ZHX2: variants seen among roughly 807,000 people sequenced by gnomAD.
The protein encoded by ZHX2 is zinc fingers and homeoboxes 2.
Under a neutral mutation model 21.9 loss-of-function variants are expected in ZHX2, and 6 were observed. That is an observed-to-expected ratio of 0.27 (90% CI 0.15 to 0.54). ZHX2 has a LOEUF of 0.54. Ranked by LOEUF, ZHX2 falls within the 20% of genes least tolerant of loss-of-function variation. ZHX2 has a pLI of 0.95. For synonymous variants in ZHX2, 434 were observed against 437.1 expected (o/e 0.99, Z 0.09); for missense variants, 908 against 1,090.7 (o/e 0.83, Z 2.36).
chr8:122,881,997 A>G (rs951940218), intron 2 of ZHX2, among the ~76,000 whole-genome samples: 1 of 152,152 alleles, frequency 6.6e-6, no homozygotes, highest in Non-Finnish European at 1.5e-5. Flanking sequence ...TTAATTAAGC[A>G]CTAGGTTTAA....
At position 122,964,054 on chromosome 8, in the gene ZHX2, T is replaced by C. The variant is rs182575674; in HGVS notation, c.*5-9188T>C. 7.2e-5 allele frequency among the ~76,000 whole-genome samples: 11 copies of C among 152,176 alleles called. No individual in the cohort carries two copies. The East Asian group carries it at 2.1e-3, about 29-fold the overall frequency. On this transcript the variant is annotated intron_variant, in intron 3 of 3. Coordinates refer to ENST00000314393, the MANE Select transcript of ZHX2 (RefSeq NM_014943.5). The stretch of plus-strand genomic sequence containing the variant: ...CAGATCTAGGAGCTTTTTGGATGAG[T>C]CTTTAGGGTTTTCTAGGTATATAAT...
chr8:122,866,595 C>A (rs1394357714), intron 2 of ZHX2, among the ~76,000 whole-genome samples: 2 of 152,182 alleles, frequency 1.3e-5, no homozygotes, highest in Non-Finnish European at 2.9e-5. Context: ...CATCAACCCC[C>A]CTGACATCTG....
chr8:122,827,739 A>G (rs968581328), intron 1 of ZHX2, among the ~76,000 whole-genome samples: 5 of 152,266 alleles, frequency 3.3e-5, no homozygotes, highest in African/African-American at 1.2e-4. Context: ...TAAAGTATTT[A>G]GGTTGGTGCA....
intron 3 of ZHX2, among the ~76,000 whole-genome samples, chr8:122,971,091 A>T (rs1215716505): frequency 6.6e-6 from 1 of 152,200 alleles, no homozygotes; most frequent in Non-Finnish European, 1.5e-5. Context: ...TTTCTTCGCT[A>T]TGAAGTGGGT....
intron 2 of ZHX2, among the ~76,000 whole-genome samples, chr8:122,879,900 T>A (rs1282005717): frequency 6.6e-6 from 1 of 151,964 alleles, no homozygotes; most frequent in Admixed American, 6.6e-5. Context: ...AGTGCTGCCC[T>A]GTGGTTCAGA....
chr8:122,786,410 T>G (rs978888289), intron 1 of ZHX2, among the ~76,000 whole-genome samples: 2 of 152,210 alleles, frequency 1.3e-5, no homozygotes, highest in African/African-American at 4.8e-5. Context: ...GCCTCTCTGA[T>G]TCTCTTTGCT....
chr8:122,928,299 T>C (rs1476399334), intron 2 of ZHX2, among the ~76,000 whole-genome samples: 1 of 152,118 alleles, frequency 6.6e-6, no homozygotes, highest in African/African-American at 2.4e-5. Flanking sequence ...GGAAACTGGA[T>C]TGTTTTGTTC....
intron 3 of ZHX2, among the ~76,000 whole-genome samples, chr8:122,960,071 A>G (rs1813405700): frequency 6.6e-6 from 1 of 152,198 alleles, no homozygotes; most frequent in Non-Finnish European, 1.5e-5. Context: ...TGTGCCCAGC[A>G]TGTCCCTGCC....
intron 2 of ZHX2, among the ~76,000 whole-genome samples, chr8:122,918,377 C>T (rs916896699): frequency 2.0e-5 from 3 of 152,188 alleles, no homozygotes; most frequent in Non-Finnish European, 4.4e-5. Flanking sequence ...GTTTTGCTTC[C>T]CAGAAAACGA....
At chr8:122,810,590 G>A (rs567623964) in intron 1 of ZHX2, 2 of 152,278 alleles carry the variant, frequency 1.3e-5, no homozygotes, top group South Asian at 4.2e-4. Context: ...CTCTGTGGAC[G>A]GCAGGTCCTG....
chr8:122,935,405 A>T (rs1812658614), intron 2 of ZHX2, among the ~76,000 whole-genome samples: 1 of 152,118 alleles, frequency 6.6e-6, no homozygotes, highest in South Asian at 2.1e-4. Flanking sequence ...TAAAATTGTC[A>T]CGGGTCGTCA....
intron 3 of ZHX2, among the ~76,000 whole-genome samples, chr8:122,970,397 G>A (rs945997137): frequency 2.6e-5 from 4 of 152,204 alleles, no homozygotes; most frequent in Non-Finnish European, 2.9e-5. Flanking sequence ...CACAGGGAGC[G>A]GATGGGGGGG....
rs1813145238 is a variant in ZHX2 at position 122,952,408 on chromosome 8, A to G, written c.898A>G (p.Lys300Glu). The G allele has an allele frequency of 6.2e-7, 1 of 1,614,046 alleles. No homozygotes were observed. Among genetic ancestry groups the G allele is most frequent in the African/African-American group, 1.3e-5 (1 of 74,924 alleles). Residue 300 changes from lysine (K) to glutamate (E), a missense_variant, in exon 3 of 4, where the codon AAA becomes GAA. Lys to Glu is a moderately conservative substitution (Grantham distance 56). Coordinates refer to ENST00000314393, the MANE Select transcript of ZHX2 (RefSeq NM_014943.5). This position sits in a 1 kb window ranked among gnomAD's most constrained non-coding sequence, Gnocchi z 6.9. ...AELSWLTAAS[K>E]HPEEHIRIWF... is the part of the protein sequence containing the mutation. The stretch of plus-strand genomic sequence containing the variant: ...GTTGTCCTGGCTGACAGCTGCCTCC[A>G]AACACCCAGAGGAGCACATCAGAAT...
chr8:122,912,271 T>C (rs2130017265), intron 2 of ZHX2, among the ~76,000 whole-genome samples: 1 of 152,290 alleles, frequency 6.6e-6, no homozygotes, highest in African/African-American at 2.4e-5. Context: ...GAGAGCCTTT[T>C]CAATGCCTCT....
intron 2 of ZHX2, among the ~76,000 whole-genome samples, chr8:122,870,943 G>A (rs1281061914): frequency 1.3e-5 from 2 of 152,234 alleles, no homozygotes; most frequent in Non-Finnish European, 2.9e-5. Context: ...GACTGATCTT[G>A]TTAACCAAGT....
chr8:122,946,398 TCTC>T (rs1252358666), intron 2 of ZHX2, among the ~76,000 whole-genome samples: 2 of 152,162 alleles, frequency 1.3e-5, no homozygotes, highest in East Asian at 1.9e-4. Context: ...TTTTCTGAGC[TCTC>T]CTCCTTCTTT....
At chr8:122,826,256 T>C (rs1248958164) in intron 1 of ZHX2, among the ~76,000 whole-genome samples, 1 of 152,238 alleles carries the variant, frequency 6.6e-6, no homozygotes, top group Non-Finnish European at 1.5e-5. Flanking sequence ...ATGATTGGCA[T>C]GGTGTTCCCA....
intron 1 of ZHX2, among the ~76,000 whole-genome samples, chr8:122,821,941 G>A (rs1285372555): frequency 6.6e-6 from 1 of 151,974 alleles, no homozygotes; most frequent in South Asian, 2.1e-4. Context: ...CTAACTTCAG[G>A]TGATCCACCC....
At chr8:122,914,259 C>T (rs1305329836) in intron 2 of ZHX2, among the ~76,000 whole-genome samples, 1 of 152,224 alleles carries the variant, frequency 6.6e-6, no homozygotes, top group African/African-American at 2.4e-5. Flanking sequence ...CTCTGCCAGG[C>T]AGCCTGAGTG....
Sources: gnomAD v4.1 joint callset for allele counts (sites outside exome capture counted in the v4.1 genomes callset) on GRCh38, gnomAD v4.1.1 for gene constraint, Gnocchi (gnomAD v3.1) non-coding constraint, MANE v1.5 for transcripts, NCBI Gene and HGNC (gene_info 2026-07-23, HGNC 2026-07-21) for gene names.